The following RBFOX1 variants were observed in gnomAD, a reference collection of about 807,000 sequenced individuals.
RBFOX1 encodes RNA binding protein fox-1 homolog 1.
A neutral mutation model predicts 57.7 loss-of-function variants in RBFOX1; 8 were observed. That is an observed-to-expected ratio of 0.14 (90% confidence interval 0.08 to 0.25). The LOEUF is 0.25. Ranked by LOEUF, RBFOX1 falls within the 10% of genes least tolerant of loss-of-function variation. The pLI is 1.00. For missense variants in RBFOX1, 611 were observed against 548.5 expected, an observed-to-expected ratio of 1.11 and a Z score of -1.14; for synonymous variants, 326 against 222.4, an observed-to-expected ratio of 1.47 and a Z score of -4.15.
intron 2 of RBFOX1, among the ~76,000 whole-genome samples, chr16:6,340,411 A>G (rs981982673): frequency 6.6e-6 from 1 of 152,206 alleles, no homozygotes; most frequent in African/African-American, 2.4e-5. Context: ...GTAAAGTGAA[A>G]GAAAGTTTCT....
chr16:7,034,642 G>T (rs913413018), intron 3 of RBFOX1, among the ~76,000 whole-genome samples: 9 of 151,766 alleles, frequency 5.9e-5, no homozygotes, highest in African/African-American at 2.2e-4. Context: ...AGACACATCA[G>T]TGAGGCTAGC....
intron 3 of RBFOX1, among the ~76,000 whole-genome samples, chr16:6,658,908 TTTTG>T (rs2154095400): frequency 9.0e-6 from 1 of 110,916 alleles, no homozygotes; most frequent in Non-Finnish European, 1.8e-5. Context: ...AGCACAGGTT[TTTTG>T]TTTTTTTGTT....
chr16:6,773,607 G>A (rs1377088433), intron 3 of RBFOX1, among the ~76,000 whole-genome samples: 1 of 142,782 alleles, frequency 7.0e-6, no homozygotes, highest in African/African-American at 2.7e-5. Context: ...GTGTGTATGT[G>A]CATGTGTGGG....
At chr16:6,838,298 G>T (rs890221769) in intron 3 of RBFOX1, among the ~76,000 whole-genome samples, 1 of 152,034 alleles carries the variant, frequency 6.6e-6, no homozygotes, top group Non-Finnish European at 1.5e-5. Context: ...CTGTTCCTGT[G>T]ATGGTTTGCT....
At chr16:6,675,135 A>T (rs1156684054) in intron 3 of RBFOX1, among the ~76,000 whole-genome samples, 1 of 151,798 alleles carries the variant, frequency 6.6e-6, no homozygotes, top group African/African-American at 2.4e-5. Flanking sequence ...CGATCTCTTG[A>T]CCTCGTGATC....
At chr16:6,596,740 G>C (rs2097780022) in intron 2 of RBFOX1, among the ~76,000 whole-genome samples, 1 of 152,174 alleles carries the variant, frequency 6.6e-6, no homozygotes, top group African/African-American at 2.4e-5. Context: ...TGGGCTCTGA[G>C]CAAAGCCCTT....
At chr16:5,857,457 A>G (rs1159707484) in intron 3 of RBFOX1, among the ~76,000 whole-genome samples, 2 of 152,172 alleles carry the variant, frequency 1.3e-5, no homozygotes, top group African/African-American at 4.8e-5. Flanking sequence ...GGGTTGCCGT[A>G]AAGCTTTAAT....
intron 2 of RBFOX1, among the ~76,000 whole-genome samples, chr16:5,536,228 C>CTTTTT (rs57061495): frequency 9.7e-6 from 1 of 103,536 alleles, no homozygotes; most frequent in Non-Finnish European, 1.9e-5. Context: ...AATCTCCTGT[C>CTTTTT]TTTTTTTTTT....
At chr16:7,457,087 G>A (rs1039900132) in intron 4 of RBFOX1, among the ~76,000 whole-genome samples, 8 of 151,866 alleles carry the variant, frequency 5.3e-5, no homozygotes, top group South Asian at 2.1e-4. Context: ...GGGTTTCTCC[G>A]TGTTGGTCAG....
chr16:6,464,737 G>C (rs1185161257), intron 2 of RBFOX1, among the ~76,000 whole-genome samples: 2 of 152,182 alleles, frequency 1.3e-5, no homozygotes, highest in South Asian at 2.1e-4. Context: ...ATGGATTACG[G>C]ATCATATGCA....
chr16:6,815,317 C>T (rs1390176230), intron 3 of RBFOX1, among the ~76,000 whole-genome samples: 1 of 151,972 alleles, frequency 6.6e-6, no homozygotes, highest in Non-Finnish European at 1.5e-5. Context: ...GTCTTTGTGC[C>T]CCGTATTGTG....
chr16:6,936,997 A>G (rs1030306562), intron 3 of RBFOX1, among the ~76,000 whole-genome samples: 4 of 151,172 alleles, frequency 2.6e-5, no homozygotes, highest in Non-Finnish European at 4.4e-5. Context: ...ATGCTAGATG[A>G]CGAGTTAGTG....
intron 3 of RBFOX1, among the ~76,000 whole-genome samples, chr16:5,834,772 C>T (rs1248495058): frequency 9.2e-4 from 122 of 132,138 alleles, no homozygotes; most frequent in African/African-American, 1.2e-3. Context: ...CATACATGCA[C>T]AGATGATAGA....
intron 1 of RBFOX1, among the ~76,000 whole-genome samples, chr16:5,294,621 G>A (rs1462682196): frequency 6.6e-6 from 1 of 152,162 alleles, no homozygotes. Context: ...ATTGAAACAG[G>A]CAGTGACCTA....
At chr16:5,824,011 G>C (rs764866896) in intron 3 of RBFOX1, among the ~76,000 whole-genome samples, 2 of 152,110 alleles carry the variant, frequency 1.3e-5, no homozygotes, top group East Asian at 1.9e-4. Flanking sequence ...TATGGTATAA[G>C]AGTTAAGGAC....
At chr16:5,698,678 C>G (rs2050925935) in intron 3 of RBFOX1, among the ~76,000 whole-genome samples, 1 of 152,038 alleles carries the variant, frequency 6.6e-6, no homozygotes, top group Non-Finnish European at 1.5e-5. Context: ...TCACCAGGGC[C>G]AAAAGTTGGA....
At position 5,834,972 on chromosome 16, in the gene RBFOX1, G is replaced by A. The variant is rs143076941; in HGVS notation, c.319-32331G>A. Reference sequence around the variant, plus strand: ...CAGTTTACATTCCCACCAACAGTGCGTAAGTGTTCCCTTTGAGATATCACC... The same window carrying A: ...CAGTTTACATTCCCACCAACAGTGCATAAGTGTTCCCTTTGAGATATCACC... On this transcript the variant is annotated intron_variant, in intron 3 of 19. Coordinates refer to the RBFOX1 transcript ENST00000641259. 9.6e-4 allele frequency among the ~76,000 whole-genome samples: 146 copies of A among 152,278 alleles called. 1 individual carries two copies. Among genetic ancestry groups the A allele is most frequent in the African/African-American group, 3.3e-3 (136 of 41,554 alleles).
At chr16:5,622,338 A>G (rs2048223295) in intron 3 of RBFOX1, among the ~76,000 whole-genome samples, 1 of 152,182 alleles carries the variant, frequency 6.6e-6, no homozygotes, top group Non-Finnish European at 1.5e-5. Flanking sequence ...TTAATTAGTT[A>G]TGTTTAGTGT....
At chr16:6,819,131 A>G (rs1045445761) in intron 3 of RBFOX1, among the ~76,000 whole-genome samples, 3 of 152,160 alleles carry the variant, frequency 2.0e-5, no homozygotes, top group South Asian at 2.1e-4. Flanking sequence ...CATGTGGGCT[A>G]TGGCAGTTTG....
Sources: allele counts gnomAD v4.1 joint callset (sites outside exome capture counted in the v4.1 genomes callset), GRCh38; gene constraint gnomAD v4.1.1; transcripts MANE v1.5; gene names NCBI Gene and HGNC (gene_info 2026-07-23, HGNC 2026-07-21).